Variants in HAVCR2 observed in about 807,000 individuals in gnomAD.
The protein encoded by HAVCR2 is hepatitis A virus cellular receptor 2.
HAVCR2 carries 13 observed loss-of-function variants against 24.7 expected under a neutral mutation model. The ratio of observed to expected loss-of-function variants is 0.53; its 90% CI spans 0.34 to 0.84. The LOEUF (loss-of-function observed/expected upper bound fraction) is 0.84. Ranked by LOEUF, HAVCR2 falls within the 40% of genes least tolerant of loss-of-function variation. The pLI is 0.01. For synonymous variants in HAVCR2, 154 were observed against 143.4 expected, an observed-to-expected ratio of 1.07 and a Z score of -0.53; for missense variants, 343 against 371.2, an observed-to-expected ratio of 0.92 and a Z score of 0.62.
intron 5 of HAVCR2, among the ~76,000 whole-genome samples, 170 bp downstream of exon 5, chr5:157,095,136 A>G (rs1351007384): frequency 6.6e-6 from 1 of 152,200 alleles, no homozygotes; most frequent in Non-Finnish European, 1.5e-5. Context: ...CCTGACACAC[A>G]ATAAATATTA....
chr5:157,096,503 G>C (rs1217697061), intron 4 of HAVCR2, among the ~76,000 whole-genome samples: 1 of 152,104 alleles, frequency 6.6e-6, no homozygotes, highest in Non-Finnish European at 1.5e-5. Context: ...ATTAGGCCAG[G>C]TGCGGTGGCT....
At chr5:157,094,710 G>GA (rs1757066965) in intron 5 of HAVCR2, among the ~76,000 whole-genome samples, 1 of 146,926 alleles carries the variant, frequency 6.8e-6, no homozygotes, top group Non-Finnish European at 1.5e-5. Context: ...TTGTTTGCTA[G>GA]TTTAAAAAAA....
At chr5:157,102,830 G>A (rs1286329103) in intron 3 of HAVCR2, among the ~76,000 whole-genome samples, 3 of 151,996 alleles carry the variant, frequency 2.0e-5, no homozygotes, top group Admixed American at 6.6e-5. Context: ...AGCTACTTGG[G>A]AGGCTGAGGC....
chr5:157,092,913 A>AAAAAAAAAAAAAAAAAAAAAAAAAAAT (rs1561619880), intron 5 of HAVCR2, among the ~76,000 whole-genome samples: 2 of 122,970 alleles, frequency 1.6e-5, no homozygotes, highest in African/African-American at 6.2e-5. Context: ...AAAAAAAAAA[A>AAAAAAAAAAAAAAAAAAAAAAAAAAAT]AAAAACTAGC....
rs114380669 is a variant in HAVCR2 at position 157,087,314 on chromosome 5, C to A, written c.714-20G>T. 1.3e-6 allele frequency: 2 copies of A among 1,589,006 alleles called. No individual in the cohort carries two copies. Among genetic ancestry groups the A allele is most frequent in the South Asian group, 1.1e-5 (1 of 87,008 alleles). On this transcript the variant is annotated intron_variant, in intron 6 of 6. Transcript: ENST00000307851. Reference sequence around the variant, plus strand: ...ATGAGGCTGTGGAAATAAAGTGTTGCGGTTGAGTTAAGCATTTCCCAGGTA... The same window carrying A: ...ATGAGGCTGTGGAAATAAAGTGTTGAGGTTGAGTTAAGCATTTCCCAGGTA...
At position 157,095,364 on chromosome 5, in the gene HAVCR2, T is replaced by A; in HGVS notation, c.618A>T (p.Gly206=). ...GATIRIGIYI[G]AGICAGLALA... is the part of the protein sequence containing the mutation. ...GAGCCAGCCCAGCACAGATCCCTGC[T>A]CCGATGTAGATGCCTATTCTGATGG... The change falls in exon 5 of 7, where the codon GGA becomes GGT. Residue 206 remains glycine, a synonymous_variant. Coordinates refer to ENST00000307851, the MANE Select transcript of HAVCR2 (RefSeq NM_032782.5). 6.2e-7 allele frequency: 1 copy of A among 1,614,134 alleles called. No individual in the cohort carries two copies. The highest frequency in any genetic ancestry group is 8.5e-7 in the Non-Finnish European group (1 of 1,180,016).
At chr5:157,096,229 C>CAAAAAAAAAAAAAAAAAA (rs386405404) in intron 4 of HAVCR2, among the ~76,000 whole-genome samples, 1 of 90,724 alleles carries the variant, frequency 1.1e-5, no homozygotes, top group Non-Finnish European at 2.1e-5. Context: ...GACTCCATCT[C>CAAAAAAAAAAAAAAAAAA]AAAAAAAAAA....
rs760581555 is a variant in HAVCR2, at chr5:157,095,396, C to CAGAGTCCCGTAAGTCATTGGCCAATCT, written c.559_585dup (p.Arg187_Ser195dup). ...TAGATGCCTATTCTGATGGTTGCTC[C>CAGAGTCCCGTAAGTCATTGGCCAATCT]AGAGTCCCGTAAGTCATTGGCCAAT... is the stretch of plus-strand genomic sequence containing the variant. On this transcript the variant is annotated inframe_insertion, in exon 5 of 7. Coordinates refer to ENST00000307851, the MANE Select transcript of HAVCR2 (RefSeq NM_032782.5). The CAGAGTCCCGTAAGTCATTGGCCAATCT allele has an allele frequency of 2.5e-6, 4 of 1,613,952 alleles. No homozygotes were observed. The highest frequency in any genetic ancestry group is 3.4e-6 in the Non-Finnish European group (4 of 1,180,024).
chr5:157,094,632 C>T lies in HAVCR2; in HGVS notation c.676+674G>A, dbSNP rs1050204387. On this transcript the variant is annotated intron_variant, in intron 5 of 6. Coordinates refer to ENST00000307851, the MANE Select transcript of HAVCR2 (RefSeq NM_032782.5). ...TCCTGACCTCAAATGATCCACCCCCCTCAGCCTCCCAAAGTGCTGGGATTA... is the reference window on the plus strand; with the variant it reads ...TCCTGACCTCAAATGATCCACCCCCTTCAGCCTCCCAAAGTGCTGGGATTA... Among the ~76,000 whole-genome samples the T allele has an allele frequency of 2.6e-5, 4 of 151,982 alleles. No individual in the cohort carries two copies. The South Asian group carries it at 6.2e-4, about 24-fold the overall frequency.
Position 157,087,043 on chromosome 5 carries a change from C to T in HAVCR2, c.*59G>A. On this transcript the variant is annotated 3_prime_UTR_variant, in exon 7 of 7. Coordinates refer to ENST00000307851, the MANE Select transcript of HAVCR2 (RefSeq NM_032782.5). The stretch of plus-strand genomic sequence containing the variant: ...AGAACCTCCAAAACCAGTCAGGTGA[C>T]ACAGCTCATAGTTTCTGAAAAAGAC... The T allele has an allele frequency of 5.3e-6, 8 of 1,505,768 alleles. No homozygotes were observed. The highest frequency in any genetic ancestry group is 7.3e-6 in the Non-Finnish European group (8 of 1,091,644). The allele number at this position is 1,505,768 out of a possible 1,614,324, so 93.3% of individuals were successfully genotyped here.
chr5:157,092,550 G>A (rs1581756108), intron 5 of HAVCR2, among the ~76,000 whole-genome samples: 2 of 151,934 alleles, frequency 1.3e-5, no homozygotes, highest in Admixed American at 6.6e-5. Context: ...GGGCTCAAGT[G>A]ATTCTCCCAC....
rs143005564 is a variant in HAVCR2, at chr5:157,087,585, T to C, written c.714-291A>G. 1.1e-3 allele frequency among the ~76,000 whole-genome samples: 171 copies of C among 152,282 alleles called. 2 individuals carry two copies. Among genetic ancestry groups the C allele is most frequent in the Non-Finnish European group, 5.9e-5 (4 of 68,024 alleles). On this transcript the variant is annotated intron_variant, in intron 6 of 6. Transcript: ENST00000307851. ...CTGAAGTTTAGGTGAAGTATCAAGA[T>C]GTCTGCAATTATGTACACATTTAGA...
chr5:157,090,365 C>T (rs1756980658), intron 5 of HAVCR2, among the ~76,000 whole-genome samples: 1 of 151,778 alleles, frequency 6.6e-6, no homozygotes, highest in African/African-American at 2.4e-5. Flanking sequence ...GGAGGCAAGG[C>T]AGGTGGATTT....
Position 157,106,700 on chromosome 5 carries a change from G to T in HAVCR2, c.321C>A (p.Ile107=). 6.2e-7 allele frequency: 1 copy of T among 1,614,210 alleles called. No individual in the cohort carries two copies. The highest frequency in any genetic ancestry group is 8.5e-7 in the Non-Finnish European group (1 of 1,180,038). ...CTGGGATTTGGATCCGGCAGCAGTA[G>T]ATCCCACTGTCTGCTAGAGTCACAT... The part of the protein sequence containing the change: ...IENVTLADSG[I]YCCRIQIPGI... Residue 107 remains isoleucine, a synonymous_variant, in exon 2 of 7, where the codon ATC becomes ATA. Coordinates refer to ENST00000307851, the MANE Select transcript of HAVCR2 (RefSeq NM_032782.5).
chr5:157,102,403 C>T (rs1039463176), intron 3 of HAVCR2, among the ~76,000 whole-genome samples: 16 of 152,122 alleles, frequency 1.1e-4, no homozygotes, highest in Admixed American at 9.2e-4. Flanking sequence ...TCCCACATCC[C>T]ACATTTAGAG....
chr5:157,096,216 C>T (rs994429917), intron 4 of HAVCR2, among the ~76,000 whole-genome samples: 3 of 114,650 alleles, frequency 2.6e-5, no homozygotes, highest in Middle Eastern at 7.9e-3. Context: ...GGCAACAGAG[C>T]GAGACTCCAT....
chr5:157,088,585 T>C (rs1756949164), intron 6 of HAVCR2, among the ~76,000 whole-genome samples: 1 of 152,220 alleles, frequency 6.6e-6, no homozygotes, highest in Admixed American at 6.5e-5. Flanking sequence ...ACTGGGTTTC[T>C]TGCTCACTTC....
At chr5:157,107,041 CT>C in intron 1 of HAVCR2, 79 bp from the exon 2 acceptor site, 1 of 1,183,120 alleles carries the variant, frequency 8.5e-7, no homozygotes, top group Non-Finnish European at 1.2e-6. Context: ...CAAGCCATGT[CT>C]TACAGAATAA....
At chr5:157,090,471 C>T (rs955156498) in intron 5 of HAVCR2, among the ~76,000 whole-genome samples, 1 of 151,976 alleles carries the variant, frequency 6.6e-6, no homozygotes, top group Non-Finnish European at 1.5e-5. Context: ...GGCACATGCC[C>T]GTGGTCCTAG....
Sources: allele counts gnomAD v4.1 joint callset (sites outside exome capture counted in the v4.1 genomes callset), GRCh38; gene constraint gnomAD v4.1.1; transcripts MANE v1.5; gene names NCBI Gene and HGNC (gene_info 2026-07-23, HGNC 2026-07-21).